The following RNF220 variants were observed in gnomAD, a reference collection of about 807,000 sequenced individuals.
RNF220 encodes the protein ring finger protein 220.
A neutral mutation model predicts 67.1 loss-of-function variants in RNF220; 7 were observed. The observed-to-expected ratio is 0.10, with a 90% CI of 0.06 to 0.20. The LOEUF (loss-of-function observed/expected upper bound fraction) is 0.20, where lower values mean the gene tolerates loss of function less well. RNF220 is among the 10% of genes least tolerant of loss of function. The probability of loss-of-function intolerance (pLI) is 1.00; values close to 1 mark genes in which losing one functional copy is unlikely to be tolerated. For missense variants in RNF220, 565 were observed against 740.3 expected, an observed-to-expected ratio of 0.76 and a Z score of 2.75; for synonymous variants, 270 against 283.2, an observed-to-expected ratio of 0.95 and a Z score of 0.47.
At chr1:44,492,693 A>G (rs1030845082) in intron 2 of RNF220, among the ~76,000 whole-genome samples, 1 of 152,222 alleles carries the variant, frequency 6.6e-6, no homozygotes, top group African/African-American at 2.4e-5. Context: ...GATTCCGTTT[A>G]TATGAAATAT....
In RNF220 at chr1:44,437,802, C is replaced by G. The variant is rs146208586; in HGVS notation, c.625+25080C>G. Among the ~76,000 whole-genome samples, 293 of 152,280 alleles carry G rather than the reference C, an allele frequency of 1.9e-3. 3 individuals carry two copies. Among genetic ancestry groups the G allele is most frequent in the African/African-American group, 6.8e-3 (284 of 41,556 alleles). ...TTTCATTGTCTTGCTTTCAACCTCT[C>G]AAAACCACAGATGAGTTCTGGAGAC... On this transcript the variant is annotated intron_variant, in intron 2 of 14. Transcript: ENST00000361799.
intron 2 of RNF220, among the ~76,000 whole-genome samples, chr1:44,567,427 C>T (rs191895360): frequency 6.6e-6 from 1 of 152,138 alleles, no homozygotes; most frequent in Non-Finnish European, 1.5e-5. Flanking sequence ...TGAAGGGGAC[C>T]TTTTCTCCTG....
chr1:44,428,558 C>T (rs555372756), intron 2 of RNF220, among the ~76,000 whole-genome samples: 15 of 152,254 alleles, frequency 9.9e-5, no homozygotes, highest in African/African-American at 3.6e-4. Context: ...GACTTCCAAG[C>T]GCCGTTCTCA....
intron 2 of RNF220, among the ~76,000 whole-genome samples, chr1:44,484,069 CT>C (rs1486923356): frequency 6.6e-6 from 1 of 152,168 alleles, no homozygotes; most frequent in Admixed American, 6.5e-5. Context: ...TCTTCACAAG[CT>C]GTAGAGCCTC....
At chr1:44,521,876 G>A (rs1400856603) in intron 2 of RNF220, among the ~76,000 whole-genome samples, 3 of 151,820 alleles carry the variant, frequency 2.0e-5, no homozygotes, top group Non-Finnish European at 2.9e-5. Flanking sequence ...GAATGAATGA[G>A]TGAATGAATG....
At chr1:44,462,411 A>G (rs969881626) in intron 2 of RNF220, among the ~76,000 whole-genome samples, 27 of 152,336 alleles carry the variant, frequency 1.8e-4, no homozygotes, top group African/African-American at 6.5e-4. Flanking sequence ...CGCTATAACC[A>G]GGACACCAAT....
intron 2 of RNF220, among the ~76,000 whole-genome samples, chr1:44,414,776 G>A (rs1191995579): frequency 6.6e-6 from 1 of 151,964 alleles, no homozygotes; most frequent in Non-Finnish European, 1.5e-5. Flanking sequence ...ATACAAATTG[G>A]AGTCCCTTTC....
chr1:44,485,018 C>CTG (rs758410328), intron 2 of RNF220, among the ~76,000 whole-genome samples: 41 of 152,172 alleles, frequency 2.7e-4, no homozygotes, highest in Non-Finnish European at 5.3e-4. Flanking sequence ...TGGCACGTGC[C>CTG]TGTAGTCCCA....
rs560842207 is a variant in RNF220 at position 44,603,371 on chromosome 1, T to C, written c.626-10794T>C. 2.0e-5 allele frequency among the ~76,000 whole-genome samples: 3 copies of C among 152,296 alleles called. No individual in the cohort carries two copies. The South Asian group carries it at 6.2e-4, about 32-fold the overall frequency. On this transcript the variant is annotated intron_variant, in intron 2 of 14. Transcript: ENST00000361799. ...TACCCAGGACCCACTGCCCCCACCT[T>C]GGCCCCGGGCTACGGTGGGCCAGGC... is the stretch of plus-strand genomic sequence containing the variant.
chr1:44,554,068 C>G (rs1375900411), intron 2 of RNF220, among the ~76,000 whole-genome samples: 1 of 152,176 alleles, frequency 6.6e-6, no homozygotes, highest in Non-Finnish European at 1.5e-5. Context: ...TGAAGGCAAG[C>G]AAGCTTGGTT....
chr1:44,633,350 A>G (rs976904620), intron 6 of RNF220, among the ~76,000 whole-genome samples: 15 of 152,226 alleles, frequency 9.9e-5, no homozygotes, highest in Admixed American at 3.3e-4. Context: ...ATTCAATTGA[A>G]GTTTGTTTCC....
At chr1:44,404,880 A>G (rs1647217799), upstream of RNF220, among the ~76,000 whole-genome samples, 1 of 152,194 alleles carries the variant, frequency 6.6e-6, no homozygotes, top group African/African-American at 2.4e-5. Flanking sequence ...TCATTTAAGC[A>G]GCAGTGGATG....
Position 44,644,684 on chromosome 1 carries a change from C to T in RNF220, c.1127-14C>T. 6.2e-7 allele frequency: 1 copy of T among 1,612,186 alleles called. No individual in the cohort carries two copies. The highest frequency in any genetic ancestry group is 1.7e-5 in the Admixed American group (1 of 60,000). On this transcript the variant is annotated splice_polypyrimidine_tract_variant and intron_variant, in intron 8 of 14. Transcript: ENST00000361799. The stretch of plus-strand genomic sequence containing the variant: ...TCTTGTCCCCAGGCCCTCCTCACAC[C>T]CTGCTTCCCACAGGCTCTGGCTTCA...
chr1:44,541,891 A>C (rs149453554), intron 2 of RNF220, among the ~76,000 whole-genome samples: 8 of 152,346 alleles, frequency 5.3e-5, no homozygotes, highest in African/African-American at 1.4e-4. Context: ...TATAAAATTA[A>C]ATTTTGAGAG....
chr1:44,416,263 A>G (rs1648521860), intron 2 of RNF220, among the ~76,000 whole-genome samples: 1 of 152,252 alleles, frequency 6.6e-6, no homozygotes, highest in South Asian at 2.1e-4. Context: ...TCAGTCCCCA[A>G]GACTCATTGT....
chr1:44,581,194 T>C (rs1464331717), intron 2 of RNF220, among the ~76,000 whole-genome samples: 3 of 152,228 alleles, frequency 2.0e-5, no homozygotes, highest in Non-Finnish European at 4.4e-5. Context: ...CACACACATA[T>C]ATAACTATTG....
At chr1:44,406,203 C>T (rs1647313353) in intron 1 of RNF220, among the ~76,000 whole-genome samples, 1 of 152,054 alleles carries the variant, frequency 6.6e-6, no homozygotes, top group African/African-American at 2.4e-5. Flanking sequence ...TGACTTTTTC[C>T]TAGCGGGGGC....
intron 2 of RNF220, among the ~76,000 whole-genome samples, chr1:44,463,173 C>T (rs1029654475): frequency 1.3e-5 from 2 of 151,954 alleles, no homozygotes; most frequent in African/African-American, 4.8e-5. Context: ...CCCGTCTCTA[C>T]TAAAAATACA....
rs529553843 is a variant in RNF220 at position 44,480,137 on chromosome 1, G to A, written c.625+67415G>A. Among the ~76,000 whole-genome samples the A allele has an allele frequency of 5.5e-4, 84 of 152,290 alleles. 1 individual carries two copies. The highest frequency in any genetic ancestry group is 1.0e-3 in the Non-Finnish European group (71 of 68,036). ...AATGACTGCAAAGGCAGGGCACAGTGGCTCACATCTACTCCCAGCACTTTG... is the reference window on the plus strand; with the variant it reads ...AATGACTGCAAAGGCAGGGCACAGTAGCTCACATCTACTCCCAGCACTTTG... On this transcript the variant is annotated intron_variant, in intron 2 of 14. Coordinates refer to ENST00000361799, the MANE Select transcript of RNF220 (RefSeq NM_018150.4).
Sources: allele counts gnomAD v4.1 joint callset (sites outside exome capture counted in the v4.1 genomes callset), GRCh38; gene constraint gnomAD v4.1.1; transcripts MANE v1.5; gene names NCBI Gene and HGNC (gene_info 2026-07-23, HGNC 2026-07-21).